Variants in DCP1A observed in about 807,000 individuals in gnomAD.
DCP1A encodes the protein mRNA-decapping enzyme 1A.
DCP1A carries 20 observed loss-of-function variants against 58.0 expected under a neutral mutation model. The ratio of observed to expected loss-of-function variants is 0.34; its 90% CI spans 0.24 to 0.50. The LOEUF is 0.50. Ranked by LOEUF, DCP1A falls within the 20% of genes least tolerant of loss-of-function variation. The pLI, the probability that DCP1A is intolerant of heterozygous loss-of-function variation, is 0.98. For missense variants in DCP1A, 613 were observed against 712.2 expected, an observed-to-expected ratio of 0.86 and a Z score of 1.59; for synonymous variants, 285 against 275.1, an observed-to-expected ratio of 1.04 and a Z score of -0.36.
At chr3:53,342,519 T>TA (rs2089223047) in intron 2 of DCP1A, among the ~76,000 whole-genome samples, 1 of 152,190 alleles carries the variant, frequency 6.6e-6, no homozygotes, top group South Asian at 2.1e-4. Context: ...CCCCACCTGA[T>TA]ATACTCCCCA....
At chr3:53,310,772 T>G (rs1707620238) in intron 5 of DCP1A, among the ~76,000 whole-genome samples, 1 of 152,230 alleles carries the variant, frequency 6.6e-6, no homozygotes, top group Non-Finnish European at 1.5e-5. Flanking sequence ...TTGAAGAATT[T>G]GGTACAAACT....
At chr3:53,317,151 T>TTTGTTG (rs1265835832) in intron 4 of DCP1A, among the ~76,000 whole-genome samples, 1 of 151,900 alleles carries the variant, frequency 6.6e-6, no homozygotes, top group Non-Finnish European at 1.5e-5. Context: ...CCTGTGCCTT[T>TTTGTTG]TTGTTGTTGT....
chr3:53,335,107 ACG>A (rs747893228), intron 3 of DCP1A, among the ~76,000 whole-genome samples: 19 of 148,026 alleles, frequency 1.3e-4, no homozygotes, highest in Non-Finnish European at 2.1e-4. Flanking sequence ...GTGTGTGTGC[ACG>A]CGCATGTGTA....
chr3:53,341,759 C>T (rs1553692568), intron 3 of DCP1A, among the ~76,000 whole-genome samples: 2 of 152,054 alleles, frequency 1.3e-5, no homozygotes, highest in African/African-American at 4.8e-5. Flanking sequence ...GGCTGGAGTA[C>T]AGTGGCGCGA....
At chr3:53,322,674 A>G (rs1553690139) in intron 3 of DCP1A, among the ~76,000 whole-genome samples, 4 of 151,820 alleles carry the variant, frequency 2.6e-5, no homozygotes, top group African/African-American at 7.3e-5. Flanking sequence ...TAATTACACT[A>G]AAACTGCTCT....
chr3:53,329,382 GATA>G, intron 3 of DCP1A: 1 of 398,484 alleles, frequency 2.5e-6, no homozygotes, highest in Admixed American at 4.4e-5. Flanking sequence ...ATCGATGCCC[GATA>G]TAAAGGAAAA....
intron 6 of DCP1A, among the ~76,000 whole-genome samples, chr3:53,301,399 A>G (rs6804620): frequency 0.71 from 107,317 of 151,732 alleles, 38,574 homozygotes; most frequent in Non-Finnish European, 0.77. Flanking sequence ...AGCCTCCCGA[A>G]TAGCTGGGAT....
intron 3 of DCP1A, among the ~76,000 whole-genome samples, chr3:53,327,946 A>G (rs1708157709): frequency 6.6e-6 from 1 of 151,626 alleles, no homozygotes. Context: ...AACATGGTGA[A>G]ATCCCATTTC....
intron 3 of DCP1A, among the ~76,000 whole-genome samples, chr3:53,328,804 G>A (rs926979400): frequency 2.0e-5 from 3 of 152,154 alleles, no homozygotes; most frequent in Non-Finnish European, 4.4e-5. Flanking sequence ...ATGTTTTCGT[G>A]GTGATTTTAC....
Position 53,285,894 on chromosome 3 carries a change from C to T in DCP1A, c.*1686G>A, listed in dbSNP as rs782030173. ...AATTCATTTTTGGTTGCTTAATTTA[C>T]ATACTATCTGTGAAAACAAACTATT... On this transcript the variant is annotated 3_prime_UTR_variant, in exon 10 of 10. Transcript: ENST00000610213. The T allele has an allele frequency of 6.6e-5, 10 of 152,208 alleles. No homozygotes were observed. Among genetic ancestry groups the T allele is most frequent in the Non-Finnish European group, 8.8e-5 (6 of 68,048 alleles). The allele number at this position is 152,208 out of a possible 1,614,324, so 9.4% of individuals were successfully genotyped here. A position where few individuals can be genotyped will look rare whatever the true frequency, so the allele number is the denominator to read the frequency against.
In DCP1A at chr3:53,342,283, T is replaced by C; in HGVS notation, c.177-12A>G. 9 of 1,563,326 alleles carry C rather than the reference T, an allele frequency of 5.8e-6. No homozygotes were observed. The highest frequency in any genetic ancestry group is 4.5e-5 in the East Asian group (2 of 44,014). On this transcript the variant is annotated splice_polypyrimidine_tract_variant and intron_variant, in intron 2 of 9. Coordinates refer to ENST00000610213, the MANE Select transcript of DCP1A (RefSeq NM_018403.7). ...AAGGGGAAGCTGACCTTAGATTTAA[T>C]AGAAGAAAAAAAAATATGTAGTTAC... is the stretch of plus-strand genomic sequence containing the variant.
intron 2 of DCP1A, among the ~76,000 whole-genome samples, chr3:53,343,956 A>G (rs956931057): frequency 6.6e-6 from 1 of 152,206 alleles, no homozygotes; most frequent in Non-Finnish European, 1.5e-5. Flanking sequence ...CAGGGAACAA[A>G]GAAAGTGTCT....
Position 53,311,274 on chromosome 3 carries a change from C to T in DCP1A, c.510+967G>A, listed in dbSNP as rs1482091308. Among the ~76,000 whole-genome samples, 7 of 152,262 alleles carry T rather than the reference C, an allele frequency of 4.6e-5. No homozygotes were observed. The East Asian group carries it at 1.2e-3, about 25-fold the overall frequency. The stretch of plus-strand genomic sequence containing the variant: ...AGGTGAAATAGGCATGAAAGGAAAG[C>T]ACTTAATTCAATATTTAATGAAGAG... On this transcript the variant is annotated intron_variant, in intron 5 of 9. Coordinates refer to ENST00000610213, the MANE Select transcript of DCP1A (RefSeq NM_018403.7).
intron 1 of DCP1A, 121 bp downstream of exon 1, chr3:53,347,251 TTGGCCAGACCC>T (rs1559711868): frequency 8.5e-7 from 1 of 1,171,080 alleles, no homozygotes; most frequent in African/African-American, 1.6e-5. Context: ...GGCTAGGCTC[TTGGCCAGACCC>T]TGGCCTCGTC....
chr3:53,344,959 C>T lies in DCP1A; in HGVS notation c.136-17G>A, dbSNP rs1244306956. 1.9e-6 allele frequency: 3 copies of T among 1,596,882 alleles called. No individual in the cohort carries two copies. Among genetic ancestry groups the T allele is most frequent in the Admixed American group, 1.8e-5 (1 of 55,534 alleles). Reference sequence around the variant, plus strand: ...AGTCTTCTCCTATGAAAGACAATGACTCAATTAGTTTTTTTTCCCCATAAT... The same window carrying T: ...AGTCTTCTCCTATGAAAGACAATGATTCAATTAGTTTTTTTTCCCCATAAT... On this transcript the variant is annotated splice_polypyrimidine_tract_variant and intron_variant, in intron 1 of 9. Transcript: ENST00000610213.
intron 3 of DCP1A, among the ~76,000 whole-genome samples, chr3:53,321,755 T>G (rs1220966268): frequency 6.6e-6 from 1 of 152,052 alleles, no homozygotes; most frequent in African/African-American, 2.4e-5. Context: ...CAAACTTGGG[T>G]CTTCTCACTC....
intron 3 of DCP1A, among the ~76,000 whole-genome samples, chr3:53,324,026 A>G (rs1398948526): frequency 1.3e-5 from 2 of 152,246 alleles, no homozygotes; most frequent in Admixed American, 6.5e-5. Flanking sequence ...AAGTAAGTCC[A>G]TCAAAGCTGT....
intron 4 of DCP1A, among the ~76,000 whole-genome samples, chr3:53,318,909 C>A (rs1480141847): frequency 6.6e-6 from 1 of 152,144 alleles, no homozygotes; most frequent in Non-Finnish European, 1.5e-5. Context: ...CTGCACAGAA[C>A]CTAAATCAGA....
Position 53,336,764 on chromosome 3 carries a change from A to G in DCP1A, c.304+5380T>C, listed in dbSNP as rs2089123260. Among the ~76,000 whole-genome samples, 4 of 152,336 alleles carry G rather than the reference A, an allele frequency of 2.6e-5. No homozygotes were observed. The South Asian group carries it at 8.3e-4, about 32-fold the overall frequency. The stretch of plus-strand genomic sequence containing the variant: ...TAAGAAATGATACTAAATGAATGGT[A>G]CAACTTGAACCTTAAATTTGTATGA... On this transcript the variant is annotated intron_variant, in intron 3 of 9. Transcript: ENST00000610213.
Sources: allele counts gnomAD v4.1 joint callset (sites outside exome capture counted in the v4.1 genomes callset), GRCh38; gene constraint gnomAD v4.1.1; transcripts MANE v1.5; gene names NCBI Gene and HGNC (gene_info 2026-07-23, HGNC 2026-07-21).